ST6GALNAC3: variants seen among roughly 807,000 people sequenced by gnomAD.
The protein encoded by ST6GALNAC3 is ST6 N-acetylgalactosaminide alpha-2,6-sialyltransferase 3, also known as alpha-N-acetylgalactosaminide alpha-2,6-sialyltransferase 3.
In ST6GALNAC3, 25 loss-of-function variants were observed where a neutral mutation model predicts 32.7. That is an observed-to-expected ratio of 0.76 (90% CI 0.56 to 1.07). The LOEUF (loss-of-function observed/expected upper bound fraction) is 1.07, where lower values mean the gene tolerates loss of function less well. Ranked by LOEUF, ST6GALNAC3 falls within the 50% of genes least tolerant of loss-of-function variation. The probability of loss-of-function intolerance (pLI) is 0.00; values close to 1 mark genes in which losing one functional copy is unlikely to be tolerated. For synonymous variants in ST6GALNAC3, 129 were observed against 133.1 expected, an observed-to-expected ratio of 0.97 and a Z score of 0.21; for missense variants, 355 against 382.4, an observed-to-expected ratio of 0.93 and a Z score of 0.60.
At chr1:76,397,369 C>CTTTTTTT (rs66473246) in intron 2 of ST6GALNAC3, among the ~76,000 whole-genome samples, 3 of 124,080 alleles carry the variant, frequency 2.4e-5, no homozygotes, top group Admixed American at 9.1e-5. Context: ...CTATAAGATG[C>CTTTTTTT]TTTTTTTTTT....
chr1:76,515,774 A>G (rs1662137331), intron 3 of ST6GALNAC3, among the ~76,000 whole-genome samples: 1 of 152,150 alleles, frequency 6.6e-6, no homozygotes, highest in Admixed American at 6.6e-5. Context: ...CTGAAAAGAT[A>G]CTTGATATGA....
intron 1 of ST6GALNAC3, among the ~76,000 whole-genome samples, chr1:76,222,621 C>T (rs945927698): frequency 1.3e-5 from 2 of 152,018 alleles, no homozygotes; most frequent in Non-Finnish European, 2.9e-5. Flanking sequence ...TGTAACTAAC[C>T]TGCACATTGT....
chr1:76,131,562 G>T (rs147563275), intron 1 of ST6GALNAC3, among the ~76,000 whole-genome samples: 1 of 152,116 alleles, frequency 6.6e-6, no homozygotes, highest in Non-Finnish European at 1.5e-5. Flanking sequence ...CGGGATGATC[G>T]CCAGCACTCA....
intron 3 of ST6GALNAC3, among the ~76,000 whole-genome samples, chr1:76,491,040 T>C (rs1417944400): frequency 1.3e-5 from 2 of 151,996 alleles, no homozygotes; most frequent in Non-Finnish European, 2.9e-5. Context: ...TTATTTTTAG[T>C]AGAGATGGGG....
In ST6GALNAC3 at chr1:76,156,933, G is replaced by A. The variant is rs986530137; in HGVS notation, c.18+82049G>A. 4.6e-5 allele frequency among the ~76,000 whole-genome samples: 7 copies of A among 152,164 alleles called. No homozygotes were observed. The South Asian group carries it at 6.2e-4, about 14-fold the overall frequency. ...TTTTTAGTACAGACGGGGTTTCACCGTGTTAGCCAGGATGGTCTCAATCTT... is the reference window on the plus strand; with the variant it reads ...TTTTTAGTACAGACGGGGTTTCACCATGTTAGCCAGGATGGTCTCAATCTT... On this transcript the variant is annotated intron_variant, in intron 1 of 4. Transcript: ENST00000328299.
At position 76,634,105 on chromosome 1, in the gene ST6GALNAC3, G is replaced by A. The variant is rs1052379900; in HGVS notation, c.*5299G>A. 44 of 977,648 alleles carry A rather than the reference G, an allele frequency of 4.5e-5. No individual in the cohort carries two copies. Among genetic ancestry groups the A allele is most frequent in the Non-Finnish European group, 5.3e-5 (44 of 823,828 alleles). 60.6% of individuals were successfully genotyped at this position (977,648 alleles called of 1,614,324 possible). On this transcript the variant is annotated 3_prime_UTR_variant, in exon 5 of 5. Coordinates refer to ENST00000328299, the MANE Select transcript of ST6GALNAC3 (RefSeq NM_152996.4). ...CAGAATAGGCACTTTTTTTTGAGTA[G>A]AAAACCTCTTCTTTCTCCACAGATA...
Position 76,341,673 on chromosome 1 carries a change from CTTTCTTTCCTTCT to C in ST6GALNAC3, c.213+27677_213+27689del, listed in dbSNP as rs1557803927. 4.9e-5 allele frequency among the ~76,000 whole-genome samples: 7 copies of C among 142,754 alleles called. No individual in the cohort carries two copies. In the East Asian group the frequency reaches 8.2e-4, roughly 17 times the overall value. 93.7% of individuals were successfully genotyped at this position (142,754 alleles called of 152,430 possible). ...TCTTTCTTTCTTTCTTTCTTTCTTTCTTTCTTTCCTTCTTTCTTTCTTTCTTTCTTTCCTTCTT... is the reference window on the plus strand; with the variant it reads ...TCTTTCTTTCTTTCTTTCTTTCTTTCTTCTTTCTTTCTTTCTTTCCTTCTT... On this transcript the variant is annotated intron_variant, in intron 2 of 4. Coordinates refer to ENST00000328299, the MANE Select transcript of ST6GALNAC3 (RefSeq NM_152996.4).
At chr1:76,179,762 T>C (rs1653062517) in intron 1 of ST6GALNAC3, among the ~76,000 whole-genome samples, 1 of 152,200 alleles carries the variant, frequency 6.6e-6, no homozygotes, top group Non-Finnish European at 1.5e-5. Flanking sequence ...GTCACTCTGC[T>C]CTGGCCATAA....
rs1326849625 is a variant in ST6GALNAC3 at position 76,634,448 on chromosome 1, T to A, written c.*5642T>A. On this transcript the variant is annotated 3_prime_UTR_variant, in exon 5 of 5. Coordinates refer to ENST00000328299, the MANE Select transcript of ST6GALNAC3 (RefSeq NM_152996.4). ...TCCTGAGTTCCCATGATTTTTTTTC[T>A]GTAGTTTCTCATTCATTTTAAAACC... 6.6e-6 allele frequency: 1 copy of A among 152,218 alleles called. No homozygotes were observed. The highest frequency in any genetic ancestry group is 1.9e-4 in the East Asian group (1 of 5,188). 9.4% of individuals were successfully genotyped at this position (152,218 alleles called of 1,614,324 possible).
intron 1 of ST6GALNAC3, among the ~76,000 whole-genome samples, chr1:76,095,255 A>G (rs1647111101): frequency 6.6e-6 from 1 of 152,210 alleles, no homozygotes; most frequent in Non-Finnish European, 1.5e-5. Context: ...TATACTTTGT[A>G]TAAATAATGT....
chr1:76,269,362 T>C (rs1438858269), intron 1 of ST6GALNAC3, among the ~76,000 whole-genome samples: 3 of 152,184 alleles, frequency 2.0e-5, no homozygotes. Flanking sequence ...ATATAATGAC[T>C]CAGCCAAGGG....
At chr1:76,383,227 G>A (rs550965723) in intron 2 of ST6GALNAC3, among the ~76,000 whole-genome samples, 9 of 151,966 alleles carry the variant, frequency 5.9e-5, no homozygotes, top group Non-Finnish European at 1.0e-4. Flanking sequence ...CAGGTAATTT[G>A]TAAACAGCAA....
At chr1:76,139,223 C>A (rs193159055) in intron 1 of ST6GALNAC3, among the ~76,000 whole-genome samples, 54 of 151,272 alleles carry the variant, frequency 3.6e-4, no homozygotes, top group Middle Eastern at 3.4e-3. Context: ...AATCTATGCA[C>A]CTACACATAC....
At chr1:76,149,683 G>T (rs192602795) in intron 1 of ST6GALNAC3, among the ~76,000 whole-genome samples, 1,877 of 152,010 alleles carry the variant, frequency 0.012, 40 homozygotes, top group African/African-American at 0.043. Flanking sequence ...GTTCCATTGT[G>T]TATTTTTATC....
intron 3 of ST6GALNAC3, among the ~76,000 whole-genome samples, chr1:76,449,490 G>A (rs968917111): frequency 6.6e-6 from 1 of 152,158 alleles, no homozygotes; most frequent in Non-Finnish European, 1.5e-5. Flanking sequence ...CCATCAAACT[G>A]TCTTTCAACA....
At chr1:76,171,817 C>CAAAA (rs11316194) in intron 1 of ST6GALNAC3, among the ~76,000 whole-genome samples, 20 of 133,064 alleles carry the variant, frequency 1.5e-4, no homozygotes, top group African/African-American at 4.9e-4. Context: ...AAAACAACAA[C>CAAAA]AAAAAAAAAA....
intron 1 of ST6GALNAC3, among the ~76,000 whole-genome samples, chr1:76,246,618 T>G (rs1167008710): frequency 6.6e-6 from 1 of 152,134 alleles, no homozygotes; most frequent in Non-Finnish European, 1.5e-5. Context: ...TTGTGTATGC[T>G]TCATGAAGTT....
At position 76,247,498 on chromosome 1, in the gene ST6GALNAC3, G is replaced by C. The variant is rs184133733; in HGVS notation, c.19-66307G>C. On this transcript the variant is annotated intron_variant, in intron 1 of 4. Transcript: ENST00000328299. ...CTGTAAGCCCCTGACTGGGGCTGCT[G>C]CATTTCCTTCGAAGATGTCTTGCCC... is the stretch of plus-strand genomic sequence containing the variant. 2.6e-5 allele frequency among the ~76,000 whole-genome samples: 4 copies of C among 152,252 alleles called. No homozygotes were observed. In the East Asian group the frequency reaches 7.7e-4, roughly 29 times the overall value.
At chr1:76,547,610 C>T (rs967252122) in intron 3 of ST6GALNAC3, among the ~76,000 whole-genome samples, 2 of 152,016 alleles carry the variant, frequency 1.3e-5, no homozygotes, top group Non-Finnish European at 1.5e-5. Context: ...TGATCAACCA[C>T]TTGGGAGGCG....
Sources: gnomAD v4.1 joint callset for allele counts (sites outside exome capture counted in the v4.1 genomes callset) on GRCh38, gnomAD v4.1.1 for gene constraint, MANE v1.5 for transcripts, NCBI Gene and HGNC (gene_info 2026-07-23, HGNC 2026-07-21) for gene names.